OSBPL3: variants seen among roughly 807,000 people sequenced by gnomAD.
OSBPL3 encodes oxysterol-binding protein-related protein 3.
OSBPL3 carries 65 observed loss-of-function variants against 120.1 expected under a neutral mutation model. That is an observed-to-expected ratio of 0.54 (90% CI 0.44 to 0.67). The LOEUF (loss-of-function observed/expected upper bound fraction) is 0.67, where lower values mean the gene tolerates loss of function less well. OSBPL3 is among the 30% of genes least tolerant of loss of function. OSBPL3 has a pLI of 0.00. For synonymous variants in OSBPL3, 416 were observed against 402.6 expected (o/e 1.03, Z -0.40); for missense variants, 1,004 against 1,082.1 (o/e 0.93, Z 1.01).
Position 24,830,510 on chromosome 7 carries a change from T to C in OSBPL3, c.1884+258A>G, listed in dbSNP as rs932818710. ...ATCCTTTCAAAATTCCTTGTGCTAA[T>C]GATTTTAAAGAGAAAGGACACCGGC... On this transcript the variant is annotated intron_variant, in intron 16 of 22. Coordinates refer to ENST00000313367, the MANE Select transcript of OSBPL3 (RefSeq NM_015550.4). This position sits in a 1 kb window ranked among gnomAD's most constrained non-coding sequence, Gnocchi z 4.4. Among the ~76,000 whole-genome samples, 2 of 152,182 alleles carry C rather than the reference T, an allele frequency of 1.3e-5. No individual in the cohort carries two copies. Among genetic ancestry groups the C allele is most frequent in the Admixed American group, 1.3e-4 (2 of 15,278 alleles).
intron 12 of OSBPL3, among the ~76,000 whole-genome samples, chr7:24,843,837 T>G (rs1202059100): frequency 4.6e-5 from 7 of 152,220 alleles, no homozygotes; most frequent in Non-Finnish European, 1.5e-5. Context: ...ATAAAGCTAT[T>G]GAGCTTGAAA....
At chr7:24,941,029 CA>C (rs1208308360) in intron 1 of OSBPL3, among the ~76,000 whole-genome samples, 1 of 152,146 alleles carries the variant, frequency 6.6e-6, no homozygotes, top group Non-Finnish European at 1.5e-5. Context: ...CCATGTTAGC[CA>C]GGATTGTCTC....
At position 24,912,060 on chromosome 7, in the gene OSBPL3, A is replaced by G. The variant is rs1808898888; in HGVS notation, c.-149-19439T>C. 6.6e-6 allele frequency among the ~76,000 whole-genome samples: 1 copy of G among 152,212 alleles called. No individual in the cohort carries two copies. Among genetic ancestry groups the G allele is most frequent in the African/African-American group, 2.4e-5 (1 of 41,448 alleles). ...CCTTGTTTTTGTTTTTTCTTAATTG[A>G]CACGGTAGGTAGTAGGTTATTTGTT... On this transcript the variant is annotated intron_variant, in intron 1 of 22. Transcript: ENST00000313367. This position sits in a 1 kb window ranked among gnomAD's most constrained non-coding sequence, Gnocchi z 4.5.
In OSBPL3 at chr7:24,873,422, G is replaced by A. The variant is rs942466041; in HGVS notation, c.97-1353C>T. On this transcript the variant is annotated intron_variant, in intron 2 of 22. Coordinates refer to ENST00000313367, the MANE Select transcript of OSBPL3 (RefSeq NM_015550.4). This position sits in a 1 kb window ranked among gnomAD's most constrained non-coding sequence, Gnocchi z 4.1. ...CAACTGAATTCTTTACATAATGATC[G>A]TGATGGGTCTGCCTTCTATCTGATG... Among the ~76,000 whole-genome samples, 3 of 152,252 alleles carry A rather than the reference G, an allele frequency of 2.0e-5. No individual in the cohort carries two copies. The East Asian group carries it at 5.8e-4, about 29-fold the overall frequency.
chr7:24,976,341 A>C (rs564678214), intron 1 of OSBPL3, among the ~76,000 whole-genome samples: 1 of 152,196 alleles, frequency 6.6e-6, no homozygotes, highest in African/African-American at 2.4e-5. Flanking sequence ...GACAGTGCTT[A>C]AATAATTTAC....
chr7:24,920,777 T>C (rs765345556), intron 1 of OSBPL3, among the ~76,000 whole-genome samples: 2 of 152,148 alleles, frequency 1.3e-5, no homozygotes, highest in Non-Finnish European at 2.9e-5. Flanking sequence ...TCAGCCTATA[T>C]AAAGCCTATT....
Position 24,871,126 on chromosome 7 carries a change from G to C in OSBPL3, c.268-281C>G, listed in dbSNP as rs1241069687. The stretch of plus-strand genomic sequence containing the variant: ...AGCCAGGATGTGAGGAAACAAAAGA[G>C]TAAGCACCGTGGGTTGACTCCCATG... On this transcript the variant is annotated intron_variant, in intron 4 of 22. Transcript: ENST00000313367. This position sits in a 1 kb window ranked among gnomAD's most constrained non-coding sequence, Gnocchi z 4.8. Among the ~76,000 whole-genome samples the C allele has an allele frequency of 1.3e-5, 2 of 152,232 alleles. No homozygotes were observed. The highest frequency in any genetic ancestry group is 4.8e-5 in the African/African-American group (2 of 41,472).
In OSBPL3 at chr7:24,883,588, C is replaced by T. The variant is rs569864469; in HGVS notation, c.96+8789G>A. ...AAATATATTTATTTTCTTAAGGCATCCCATGCAGTTTTCATCAAAGTAATA... is the reference window on the plus strand; with the variant it reads ...AAATATATTTATTTTCTTAAGGCATTCCATGCAGTTTTCATCAAAGTAATA... On this transcript the variant is annotated intron_variant, in intron 2 of 22. Coordinates refer to ENST00000313367, the MANE Select transcript of OSBPL3 (RefSeq NM_015550.4). The surrounding 1 kb of genome is among the most constrained non-coding windows in gnomAD (Gnocchi z 5.4). 6.6e-6 allele frequency among the ~76,000 whole-genome samples: 1 copy of T among 152,134 alleles called. No individual in the cohort carries two copies. The highest frequency in any genetic ancestry group is 2.1e-4 in the South Asian group (1 of 4,822).
At chr7:24,975,127 C>T (rs532901905) in intron 1 of OSBPL3, among the ~76,000 whole-genome samples, 20 of 152,106 alleles carry the variant, frequency 1.3e-4, no homozygotes, top group Non-Finnish European at 2.5e-4. Flanking sequence ...ACAAAAATTC[C>T]ATTTGAATTC....
At chr7:24,826,951 A>C (rs867275867) in intron 16 of OSBPL3, among the ~76,000 whole-genome samples, 2 of 152,294 alleles carry the variant, frequency 1.3e-5, no homozygotes, top group Middle Eastern at 3.4e-3. Context: ...AACAAAATCA[A>C]GGGGCTTGGA....
Position 24,852,568 on chromosome 7 carries a change from A to C in OSBPL3, c.1094T>G (p.Met365Arg), listed in dbSNP as rs1584378661. ...CGGGGAGGAGGAGGCATCCTGCTCC[A>C]TCAGCTGCTTCAGTTTCTCTCTCTC... ...SAEREKLKQL[M>R]EQDASSSPSA... Residue 365 changes from methionine to arginine, a missense_variant, in exon 11 of 23, where the codon ATG (methionine) becomes AGG (arginine). Coordinates refer to ENST00000313367, the MANE Select transcript of OSBPL3 (RefSeq NM_015550.4). The surrounding 1 kb of genome is among the most constrained non-coding windows in gnomAD (Gnocchi z 4.1). The C allele has an allele frequency of 6.2e-7, 1 of 1,609,962 alleles. No homozygotes were observed. The highest frequency in any genetic ancestry group is 8.5e-7 in the Non-Finnish European group (1 of 1,178,620).
At chr7:24,973,681 CT>C (rs1173168971) in intron 1 of OSBPL3, among the ~76,000 whole-genome samples, 2 of 152,188 alleles carry the variant, frequency 1.3e-5, no homozygotes, top group Non-Finnish European at 2.9e-5. Flanking sequence ...GTTCACATAG[CT>C]TAAATAAGCC....
chr7:24,863,572 A>C lies in OSBPL3; in HGVS notation c.701T>G (p.Val234Gly). The change falls in exon 8 of 23, where the codon GTA becomes GGA. Residue 234 changes from valine to glycine, a missense_variant. By Grantham distance (109) the Val-to-Gly change is moderately radical. Around this residue, in one of 4 missense-constraint regions of OSBPL3, gnomAD observed 272 missense variants for 248.8 expected, o/e 1.09. Transcript: ENST00000313367. The surrounding 1 kb of genome is among the most constrained non-coding windows in gnomAD (Gnocchi z 5.8). ...GCTTTGCAGGAGCTGGCTCATTTCTACCAGGTAGGCATGACAGTGCGCCAG... is the reference window on the plus strand; with the variant it reads ...GCTTTGCAGGAGCTGGCTCATTTCTCCCAGGTAGGCATGACAGTGCGCCAG... The part of the protein sequence containing the change: ...KDLAHCHAYL[V>G]EMSQLLQSMD... The C allele has an allele frequency of 6.2e-7, 1 of 1,613,972 alleles. No homozygotes were observed. Among genetic ancestry groups the C allele is most frequent in the African/African-American group, 1.3e-5 (1 of 75,030 alleles).
rs1222220974 is a variant in OSBPL3 at position 24,804,522 on chromosome 7, G to A, written c.2445-85C>T. The A allele has an allele frequency of 4.6e-6, 6 of 1,307,084 alleles. No homozygotes were observed. In the African/African-American group the frequency reaches 6.0e-5, roughly 13 times the overall value. The allele number at this position is 1,307,084 out of a possible 1,614,324, so 81.0% of individuals were successfully genotyped here. A position where few individuals can be genotyped will look rare whatever the true frequency, so the allele number is the denominator to read the frequency against. Reference sequence around the variant, plus strand: ...TACTACTCAACTTGCATGTGTCCACGACTGGATATTCAAAATCCTCTCCTA... The same window carrying A: ...TACTACTCAACTTGCATGTGTCCACAACTGGATATTCAAAATCCTCTCCTA... On this transcript the variant is annotated intron_variant, in intron 21 of 22. Coordinates refer to ENST00000313367, the MANE Select transcript of OSBPL3 (RefSeq NM_015550.4). The surrounding 1 kb of genome is among the most constrained non-coding windows in gnomAD (Gnocchi z 5.4).
chr7:24,823,702 CTCTGAT>C (rs1795378419), intron 16 of OSBPL3, among the ~76,000 whole-genome samples: 2 of 152,216 alleles, frequency 1.3e-5, no homozygotes, highest in Admixed American at 1.3e-4. Context: ...CTTCAAAATG[CTCTGAT>C]TCTAACATCT....
At chr7:24,800,423 G>A (rs1428458534) in intron 22 of OSBPL3, 144 bp from the exon 23 acceptor site, 1 of 518,454 alleles carries the variant, frequency 1.9e-6, no homozygotes, top group Non-Finnish European at 3.5e-6. Context: ...GGGAATTCTG[G>A]GAATTAGATG....
chr7:24,934,742 A>T (rs1357621337), intron 1 of OSBPL3, among the ~76,000 whole-genome samples: 1 of 152,190 alleles, frequency 6.6e-6, no homozygotes, highest in Non-Finnish European at 1.5e-5. Flanking sequence ...GAAGTGATAT[A>T]ATGACACAGG....
rs1796345508 is a variant in OSBPL3, at chr7:24,831,388, T to C, written c.1747-483A>G. Reference sequence around the variant, plus strand: ...GGTATTATAGAAACCAAAACATTCATTTTGACCAAAGAAAATCTGTGAGTC... The same window carrying C: ...GGTATTATAGAAACCAAAACATTCACTTTGACCAAAGAAAATCTGTGAGTC... On this transcript the variant is annotated intron_variant, in intron 15 of 22. Coordinates refer to ENST00000313367, the MANE Select transcript of OSBPL3 (RefSeq NM_015550.4). This position sits in a 1 kb window ranked among gnomAD's most constrained non-coding sequence, Gnocchi z 4.0. Among the ~76,000 whole-genome samples the C allele has an allele frequency of 6.6e-6, 1 of 152,180 alleles. No individual in the cohort carries two copies. The highest frequency in any genetic ancestry group is 6.5e-5 in the Admixed American group (1 of 15,278).
Position 24,918,086 on chromosome 7 carries a change from G to A in OSBPL3, c.-149-25465C>T, listed in dbSNP as rs7798905. On this transcript the variant is annotated intron_variant, in intron 1 of 22. Transcript: ENST00000313367. The surrounding 1 kb of genome is among the most constrained non-coding windows in gnomAD (Gnocchi z 4.3). ...TTATCCTCGACGCACATAATGACAA[G>A]CACAGGTGCTGTTTCTCAGTGTGTA... 2.7e-3 allele frequency: 2,635 copies of A among 984,804 alleles called. 55 individuals carry two copies. The African/African-American group carries it at 0.042, about 16-fold the overall frequency. 61.0% of individuals were successfully genotyped at this position (984,804 alleles called of 1,614,324 possible).
Sources: gnomAD v4.1 joint callset for allele counts (sites outside exome capture counted in the v4.1 genomes callset) on GRCh38, gnomAD v4.1.1 for gene constraint, gnomAD v4.1.1 regional missense constraint, Gnocchi (gnomAD v3.1) non-coding constraint, MANE v1.5 for transcripts, NCBI Gene and HGNC (gene_info 2026-07-23, HGNC 2026-07-21) for gene names.